GALNTL6: variants seen among roughly 807,000 people sequenced by gnomAD.
GALNTL6 encodes the protein polypeptide N-acetylgalactosaminyltransferase like 6, also known as polypeptide N-acetylgalactosaminyltransferase-like 6.
GALNTL6 carries 46 observed loss-of-function variants against 73.7 expected under a neutral mutation model. That is an observed-to-expected ratio of 0.62 (90% confidence interval 0.49 to 0.80). The LOEUF is 0.80. Ranked by LOEUF, GALNTL6 falls within the 30% of genes least tolerant of loss-of-function variation. GALNTL6 has a pLI of 0.00. For synonymous variants in GALNTL6, 259 were observed against 263.7 expected, an observed-to-expected ratio of 0.98 and a Z score of 0.17; for missense variants, 604 against 755.0, an observed-to-expected ratio of 0.80 and a Z score of 2.34.
Position 171,915,956 on chromosome 4 carries a change from A to G in GALNTL6, c.138+101238A>G, listed in dbSNP as rs1338970334. On this transcript the variant is annotated intron_variant, in intron 2 of 12. Transcript: ENST00000506823. ...ATAAAATAGTGAATTGTAGGGAGAA[A>G]TACATATGCAAAGGAAATGAAGATT... is the stretch of plus-strand genomic sequence containing the variant. Among the ~76,000 whole-genome samples the G allele has an allele frequency of 2.0e-5, 3 of 152,286 alleles. No homozygotes were observed. The East Asian group carries it at 5.8e-4, about 29-fold the overall frequency.
At chr4:173,007,038 G>A (rs906461153) in intron 10 of GALNTL6, among the ~76,000 whole-genome samples, 2 of 152,176 alleles carry the variant, frequency 1.3e-5, no homozygotes, top group African/African-American at 2.4e-5. Flanking sequence ...AAGGAGATTA[G>A]TACCCACCAC....
chr4:172,914,818 C>G (rs998883214), intron 8 of GALNTL6, among the ~76,000 whole-genome samples: 1 of 152,200 alleles, frequency 6.6e-6, no homozygotes, highest in Non-Finnish European at 1.5e-5. Context: ...TAACACCCCA[C>G]TGTCAACATT....
At chr4:171,851,834 A>G (rs1735531446) in intron 2 of GALNTL6, among the ~76,000 whole-genome samples, 1 of 152,214 alleles carries the variant, frequency 6.6e-6, no homozygotes. Context: ...AAACATAAAT[A>G]TTTCAAAAGA....
intron 5 of GALNTL6, among the ~76,000 whole-genome samples, chr4:172,379,650 GAAAAAAATAA>G (rs1743198140): frequency 6.9e-6 from 1 of 145,832 alleles, no homozygotes; most frequent in Non-Finnish European, 1.5e-5. Context: ...CCTCCCCCCT[GAAAAAAATAA>G]AATAAAATAA....
intron 5 of GALNTL6, among the ~76,000 whole-genome samples, chr4:172,701,589 A>G (rs1328075841): frequency 6.6e-6 from 1 of 152,112 alleles, no homozygotes; most frequent in Non-Finnish European, 1.5e-5. Flanking sequence ...GCAGTGTTAC[A>G]CTTTAGCTAT....
At chr4:171,839,002 G>A (rs919082272) in intron 2 of GALNTL6, among the ~76,000 whole-genome samples, 1 of 152,026 alleles carries the variant, frequency 6.6e-6, no homozygotes, top group Admixed American at 6.6e-5. Flanking sequence ...TTCTGATGTA[G>A]AGCATTCCAA....
At chr4:172,832,519 ATTC>A (rs1449506870) in intron 7 of GALNTL6, among the ~76,000 whole-genome samples, 3 of 152,244 alleles carry the variant, frequency 2.0e-5, no homozygotes, top group Admixed American at 1.3e-4. Flanking sequence ...AATTATCATC[ATTC>A]TTCTTCTAAG....
intron 2 of GALNTL6, among the ~76,000 whole-genome samples, chr4:172,003,504 T>C (rs1193271016): frequency 1.3e-5 from 2 of 152,182 alleles, no homozygotes; most frequent in Non-Finnish European, 2.9e-5. Flanking sequence ...TATTCTCTAA[T>C]AGTAGAATGT....
At chr4:172,104,185 C>T (rs953876359) in intron 2 of GALNTL6, among the ~76,000 whole-genome samples, 10 of 152,084 alleles carry the variant, frequency 6.6e-5, no homozygotes, top group East Asian at 3.9e-4. Flanking sequence ...CCTCGTGATC[C>T]GCCCGCCTCG....
At chr4:172,050,384 G>A (rs1430338555) in intron 2 of GALNTL6, among the ~76,000 whole-genome samples, 1 of 152,156 alleles carries the variant, frequency 6.6e-6, no homozygotes, top group African/African-American at 2.4e-5. Flanking sequence ...AGGTTACACA[G>A]TGTTTGGCCT....
In GALNTL6 at chr4:172,408,471, A is replaced by C. The variant is rs72988261; in HGVS notation, c.553+59782A>C. On this transcript the variant is annotated intron_variant, in intron 5 of 12. Coordinates refer to ENST00000506823, the MANE Select transcript of GALNTL6 (RefSeq NM_001034845.3). ...AAATATATATCTGTGTGTGTACAGA[A>C]GTAGACACATTTTATCATATATTTA... is the stretch of plus-strand genomic sequence containing the variant. Among the ~76,000 whole-genome samples, 176 of 152,158 alleles carry C rather than the reference A, an allele frequency of 1.2e-3. 1 individual carries two copies. Among genetic ancestry groups the C allele is most frequent in the African/African-American group, 4.1e-3 (170 of 41,554 alleles).
intron 2 of GALNTL6, among the ~76,000 whole-genome samples, chr4:172,038,041 C>G (rs919089242): frequency 1.1e-4 from 16 of 151,932 alleles, no homozygotes; most frequent in African/African-American, 3.9e-4. Context: ...ATTGTTTGCA[C>G]CTGGGCGATA....
intron 2 of GALNTL6, among the ~76,000 whole-genome samples, chr4:172,008,799 T>G (rs1182080051): frequency 6.6e-6 from 1 of 152,126 alleles, no homozygotes; most frequent in Non-Finnish European, 1.5e-5. Context: ...CACATCCTTA[T>G]GCAGAGCAAA....
chr4:172,573,002 A>G (rs920652170), intron 5 of GALNTL6, among the ~76,000 whole-genome samples: 4 of 152,118 alleles, frequency 2.6e-5, no homozygotes, highest in Non-Finnish European at 5.9e-5. Context: ...AAGTGGGTAC[A>G]TGTTTTCTTC....
chr4:172,760,063 C>G (rs1055836744), intron 5 of GALNTL6, among the ~76,000 whole-genome samples: 3 of 151,346 alleles, frequency 2.0e-5, no homozygotes, highest in African/African-American at 4.9e-5. Flanking sequence ...GTCTCGATCT[C>G]CTGACCTCAT....
chr4:172,773,410 G>A (rs1738889889), intron 5 of GALNTL6, among the ~76,000 whole-genome samples: 1 of 152,124 alleles, frequency 6.6e-6, no homozygotes. Context: ...ATGTGTAGTG[G>A]CTTTAAGTGG....
intron 12 of GALNTL6, among the ~76,000 whole-genome samples, chr4:173,028,225 A>C (rs1753312873): frequency 6.6e-6 from 1 of 152,218 alleles, no homozygotes; most frequent in Non-Finnish European, 1.5e-5. Flanking sequence ...GAAGGAAAAA[A>C]AAGTACTAAA....
chr4:172,605,510 AT>A (rs1468304259), intron 5 of GALNTL6, among the ~76,000 whole-genome samples: 1 of 152,138 alleles, frequency 6.6e-6, no homozygotes, highest in African/African-American at 2.4e-5. Flanking sequence ...ACAAAATGAT[AT>A]AGGAAATCTG....
intron 2 of GALNTL6, among the ~76,000 whole-genome samples, chr4:172,014,699 T>G (rs939685917): frequency 1.3e-5 from 2 of 152,104 alleles, no homozygotes; most frequent in Non-Finnish European, 2.9e-5. Flanking sequence ...CTATGAACTT[T>G]CCTCTTAGCA....
Sources: gnomAD v4.1 joint callset for allele counts (sites outside exome capture counted in the v4.1 genomes callset) on GRCh38, gnomAD v4.1.1 for gene constraint, MANE v1.5 for transcripts, NCBI Gene and HGNC (gene_info 2026-07-23, HGNC 2026-07-21) for gene names.